CELF4: variants seen among roughly 807,000 people sequenced by gnomAD.
The protein encoded by CELF4 is CUG-BP- and ETR-3-like factor 4.
A neutral mutation model predicts 59.9 loss-of-function variants in CELF4; 18 were observed. That is an observed-to-expected ratio of 0.30 (90% CI 0.21 to 0.45). The LOEUF (loss-of-function observed/expected upper bound fraction) is 0.45. CELF4 is among the 20% of genes least tolerant of loss of function. The pLI is 1.00. For synonymous variants in CELF4, 261 were observed against 267.1 expected, an observed-to-expected ratio of 0.98 and a Z score of 0.22; for missense variants, 456 against 689.0, an observed-to-expected ratio of 0.66 and a Z score of 3.79.
chr18:37,521,004 C>T (rs1461683714), intron 1 of CELF4, among the ~76,000 whole-genome samples: 1 of 145,776 alleles, frequency 6.9e-6, no homozygotes, highest in Non-Finnish European at 1.5e-5. Flanking sequence ...CCTCAGGATC[C>T]TTTCAAACAG....
intron 2 of CELF4, among the ~76,000 whole-genome samples, chr18:37,345,844 C>G (rs987770197): frequency 6.6e-6 from 1 of 152,078 alleles, no homozygotes; most frequent in African/African-American, 2.4e-5. Context: ...CTCCTGCATA[C>G]CTTAGCACTC....
chr18:37,388,965 G>T (rs1256960987), intron 2 of CELF4, among the ~76,000 whole-genome samples: 1 of 152,142 alleles, frequency 6.6e-6, no homozygotes, highest in African/African-American at 2.4e-5. Context: ...TCTTTCTGAG[G>T]CTTCCAGTGA....
intron 3 of CELF4, among the ~76,000 whole-genome samples, chr18:37,313,746 G>T (rs893470483): frequency 6.6e-6 from 1 of 152,246 alleles, no homozygotes; most frequent in African/African-American, 2.4e-5. Flanking sequence ...AATTTAATAG[G>T]ATTTTAAAAG....
rs185354148 is a variant in CELF4, at chr18:37,353,017, C to T, written c.370-31136G>A. The stretch of plus-strand genomic sequence containing the variant: ...TGGGCAGATCAGGAAGTCAGGAGAT[C>T]GAGACCATCCTGGCTAACACGGTGA... On this transcript the variant is annotated intron_variant, in intron 2 of 12. Transcript: ENST00000420428. Among the ~76,000 whole-genome samples, 144 of 152,016 alleles carry T rather than the reference C, an allele frequency of 9.5e-4. 1 individual carries two copies. The highest frequency in any genetic ancestry group is 1.5e-3 in the Admixed American group (23 of 15,248).
Position 37,353,233 on chromosome 18 carries a change from A to AAAAAAT in CELF4, c.370-31353_370-31352insATTTTT, listed in dbSNP as rs71168258. Among the ~76,000 whole-genome samples the AAAAAAT allele has an allele frequency of 6.7e-3, 711 of 106,908 alleles. 6 individuals carry two copies. Among genetic ancestry groups the AAAAAAT allele is most frequent in the Non-Finnish European group, 0.01 (555 of 54,924 alleles). 70.1% of individuals were successfully genotyped at this position (106,908 alleles called of 152,430 possible). On this transcript the variant is annotated intron_variant, in intron 2 of 12. Coordinates refer to ENST00000420428, the MANE Select transcript of CELF4 (RefSeq NM_020180.4). ...GAGACTCCGTCTCAAAAAAAAAAAA[A>AAAAAAT]ATATATATATATATATACATAAAAG...
intron 2 of CELF4, among the ~76,000 whole-genome samples, chr18:37,385,833 TG>T (rs1018602719): frequency 2.0e-5 from 3 of 152,246 alleles, no homozygotes; most frequent in African/African-American, 7.2e-5. Context: ...ATTTTCAATA[TG>T]TATTTATTGA....
intron 2 of CELF4, among the ~76,000 whole-genome samples, chr18:37,415,475 C>A (rs2099519998): frequency 6.6e-6 from 1 of 152,284 alleles, no homozygotes; most frequent in South Asian, 2.1e-4. Flanking sequence ...CACGCAGCAA[C>A]TTTGTGGTAA....
chr18:37,557,703 A>G (rs1451501894), intron 1 of CELF4, among the ~76,000 whole-genome samples: 1 of 152,192 alleles, frequency 6.6e-6, no homozygotes, highest in Non-Finnish European at 1.5e-5. Context: ...AAGCTCTTGT[A>G]GGAAGCCAGT....
At chr18:37,330,014 T>A (rs934223890) in intron 2 of CELF4, among the ~76,000 whole-genome samples, 1 of 152,210 alleles carries the variant, frequency 6.6e-6, no homozygotes, top group Non-Finnish European at 1.5e-5. Flanking sequence ...GTCCATTTTT[T>A]AAAGATAAGC....
intron 4 of CELF4, 33 bp downstream of exon 4, chr18:37,275,082 C>T: frequency 6.2e-7 from 1 of 1,608,634 alleles, no homozygotes; most frequent in Non-Finnish European, 8.5e-7. Context: ...GCCCCTCCCT[C>T]CGGGGCATCC....
At chr18:37,417,240 G>T (rs997315362) in intron 2 of CELF4, among the ~76,000 whole-genome samples, 2 of 152,242 alleles carry the variant, frequency 1.3e-5, no homozygotes, top group South Asian at 4.2e-4. Context: ...AGCTGGGTCT[G>T]GGGGGTAAAC....
At chr18:37,396,249 A>G (rs944563279) in intron 2 of CELF4, among the ~76,000 whole-genome samples, 1 of 152,198 alleles carries the variant, frequency 6.6e-6, no homozygotes, top group Non-Finnish European at 1.5e-5. Flanking sequence ...TGCCTTGCCA[A>G]CAGCCACACG....
At chr18:37,266,050 G>T (rs1389566324) in intron 9 of CELF4, among the ~76,000 whole-genome samples, 3 of 152,158 alleles carry the variant, frequency 2.0e-5, no homozygotes, top group Non-Finnish European at 2.9e-5. Context: ...GCCCCATCCT[G>T]CTGCCAGTGT....
At chr18:37,522,419 T>C (rs2099958539) in intron 1 of CELF4, among the ~76,000 whole-genome samples, 1 of 152,020 alleles carries the variant, frequency 6.6e-6, no homozygotes, top group African/African-American at 2.4e-5. Context: ...GAAGAGGGAC[T>C]GAAATTAGGA....
At chr18:37,470,874 GT>G (rs2099819610) in intron 2 of CELF4, among the ~76,000 whole-genome samples, 2 of 105,570 alleles carry the variant, frequency 1.9e-5, no homozygotes, top group Non-Finnish European at 4.1e-5. Flanking sequence ...GTGTGTGTGT[GT>G]GTGTGTGTGT....
intron 1 of CELF4, among the ~76,000 whole-genome samples, chr18:37,504,728 C>T (rs1047808106): frequency 1.4e-4 from 21 of 152,142 alleles, no homozygotes; most frequent in African/African-American, 4.6e-4. Context: ...GCACTAAGCA[C>T]ACATTTTCTC....
intron 2 of CELF4, among the ~76,000 whole-genome samples, chr18:37,457,877 G>T (rs1367020695): frequency 6.6e-6 from 1 of 152,130 alleles, no homozygotes; most frequent in Non-Finnish European, 1.5e-5. Context: ...AATATCCGAT[G>T]CTCCAAGGAT....
intron 2 of CELF4, among the ~76,000 whole-genome samples, chr18:37,479,350 G>T (rs1308345336): frequency 1.3e-5 from 2 of 152,190 alleles, no homozygotes; most frequent in African/African-American, 2.4e-5. Context: ...CCCACCCTAG[G>T]CCCGGGATGG....
rs1470513947 is a variant in CELF4, at chr18:37,565,708, C to CGCTG, written c.-68_-67insCAGC. On this transcript the variant is annotated 5_prime_UTR_variant, in exon 1 of 13. Coordinates refer to ENST00000420428, the MANE Select transcript of CELF4 (RefSeq NM_020180.4). Reference sequence around the variant, plus strand: ...CTCTCGCTCCTCTCTCTCGCTCGCTCGCGCTCACACACGCACACGCATACA... The same window carrying CGCTG: ...CTCTCGCTCCTCTCTCTCGCTCGCTCGCTGGCGCTCACACACGCACACGCATACA... 1 of 1,443,292 alleles carries CGCTG rather than the reference C, an allele frequency of 6.9e-7. No homozygotes were observed. The highest frequency in any genetic ancestry group is 9.3e-7 in the Non-Finnish European group (1 of 1,076,532). 89.4% of individuals were successfully genotyped at this position (1,443,292 alleles called of 1,614,324 possible).
Sources: gnomAD v4.1 joint callset for allele counts (sites outside exome capture counted in the v4.1 genomes callset) on GRCh38, gnomAD v4.1.1 for gene constraint, MANE v1.5 for transcripts, NCBI Gene and HGNC (gene_info 2026-07-23, HGNC 2026-07-21) for gene names.